The following CACNA1I variants were observed in gnomAD, a reference collection of about 807,000 sequenced individuals.
CACNA1I encodes the protein voltage-dependent T-type calcium channel subunit alpha-1I.
A neutral mutation model predicts 201.6 loss-of-function variants in CACNA1I; 74 were observed. The ratio of observed to expected loss-of-function variants is 0.37; its 90% CI spans 0.30 to 0.45. The LOEUF (loss-of-function observed/expected upper bound fraction) is 0.45, where lower values mean the gene tolerates loss of function less well. Among genes scored for constraint, CACNA1I ranks in the 20% least tolerant of loss-of-function variants. The pLI, the probability that CACNA1I is intolerant of heterozygous loss-of-function variation, is 1.00. For missense variants in CACNA1I, 2,346 were observed against 3,138.1 expected (o/e 0.75, Z 6.03); for synonymous variants, 1,431 against 1,345.2 (o/e 1.06, Z -1.40).
At chr22:39,672,540 G>A (rs1220986629) in intron 27 of CACNA1I, among the ~76,000 whole-genome samples, 2 of 152,130 alleles carry the variant, frequency 1.3e-5, no homozygotes, top group South Asian at 4.1e-4. Context: ...TCTTTGGTAC[G>A]TTGTCTCTAC....
In CACNA1I at chr22:39,684,475, G is replaced by T; in HGVS notation, c.6004G>T (p.Val2002Phe). 6.2e-7 allele frequency: 1 copy of T among 1,613,228 alleles called. No individual in the cohort carries two copies. The highest frequency in any genetic ancestry group is 8.5e-7 in the Non-Finnish European group (1 of 1,179,844). ...GSWASLRSPR[V>F]NCTLLRQATG... ...CTGGGCATCTCTGCGGTCACCAAGG[G>T]TCAACTGTACCCTCCTCCGGCAGGT... Residue 2002 changes from valine (V) to phenylalanine (F), a missense_variant, in exon 36 of 37, where the codon GTC becomes TTC. By Grantham distance (50) the Val-to-Phe change is conservative. Transcript: ENST00000402142. This position sits in a 1 kb window ranked among gnomAD's most constrained non-coding sequence, Gnocchi z 4.6.
chr22:39,602,195 C>A (rs562911174), intron 3 of CACNA1I, among the ~76,000 whole-genome samples: 2 of 149,354 alleles, frequency 1.3e-5, no homozygotes, highest in South Asian at 4.3e-4. Flanking sequence ...CCTCAGCCTC[C>A]TGAGTAGCTG....
At chr22:39,611,755 T>G (rs1417887896) in intron 3 of CACNA1I, among the ~76,000 whole-genome samples, 1 of 152,152 alleles carries the variant, frequency 6.6e-6, no homozygotes, top group Non-Finnish European at 1.5e-5. Flanking sequence ...AATGGAGGCT[T>G]GGAGAGAGAA....
chr22:39,571,416 A>G (rs62228479), intron 1 of CACNA1I, among the ~76,000 whole-genome samples: 40,233 of 151,960 alleles, frequency 0.26, 6,765 homozygotes, highest in East Asian at 0.72. Flanking sequence ...GGCAGGACTC[A>G]TTCTCCTTAC....
chr22:39,658,347 G>A (rs1372924008), intron 11 of CACNA1I, 44 bp downstream of exon 11: 9 of 1,583,450 alleles, frequency 5.7e-6, no homozygotes, highest in Admixed American at 1.7e-5. Flanking sequence ...GCCTCGGGGG[G>A]ACATTTACTG....
At chr22:39,660,543 A>G in intron 15 of CACNA1I, 106 bp downstream of exon 15, 2 of 659,608 alleles carry the variant, frequency 3.0e-6, no homozygotes, top group Non-Finnish European at 5.1e-6. Context: ...AGGCTCAGGG[A>G]CTGCTACTTA....
intron 4 of CACNA1I, among the ~76,000 whole-genome samples, chr22:39,631,404 G>A (rs1934058193): frequency 6.6e-6 from 1 of 152,228 alleles, no homozygotes; most frequent in Non-Finnish European, 1.5e-5. Context: ...TGGCCCATCT[G>A]GCTCTTGCTC....
chr22:39,630,217 C>T (rs774525738), intron 4 of CACNA1I, among the ~76,000 whole-genome samples: 15 of 152,186 alleles, frequency 9.9e-5, no homozygotes, highest in African/African-American at 3.1e-4. Context: ...AATGTTCACC[C>T]GACCCCAGGC....
intron 3 of CACNA1I, among the ~76,000 whole-genome samples, chr22:39,610,901 TGG>T (rs1218705410): frequency 6.6e-6 from 1 of 152,102 alleles, no homozygotes; most frequent in African/African-American, 2.4e-5. Flanking sequence ...CTCTTTGGCC[TGG>T]ATTGGCTGGT....
chr22:39,635,010 G>A (rs969337289), intron 5 of CACNA1I, among the ~76,000 whole-genome samples: 12 of 152,120 alleles, frequency 7.9e-5, no homozygotes, highest in Non-Finnish European at 1.3e-4. Context: ...CCATTTGGCC[G>A]CTTGTGTATG....
intron 7 of CACNA1I, among the ~76,000 whole-genome samples, chr22:39,645,031 G>C (rs111633600): frequency 4.0e-5 from 6 of 151,602 alleles, no homozygotes; most frequent in Non-Finnish European, 8.8e-5. Flanking sequence ...TTGTTGCCCA[G>C]CCTGGAGTGC....
rs964330932 is a variant in CACNA1I, at chr22:39,646,513, C to T, written c.1150-56C>T. On this transcript the variant is annotated intron_variant, in intron 7 of 36. Transcript: ENST00000402142. The stretch of plus-strand genomic sequence containing the variant: ...ACTCCATGACTCTGCCTCTCTCACC[C>T]TTCTGTCCCCTCCATCCCTGTCCCT... The T allele has an allele frequency of 2.8e-5, 42 of 1,493,614 alleles. No individual in the cohort carries two copies. In the African/African-American group the frequency reaches 5.1e-4, roughly 18 times the overall value. 92.5% of individuals were successfully genotyped at this position (1,493,614 alleles called of 1,614,324 possible). A position where few individuals can be genotyped will look rare whatever the true frequency, so the allele number is the denominator to read the frequency against.
intron 35 of CACNA1I, among the ~76,000 whole-genome samples, chr22:39,683,614 G>A (rs1290928428): frequency 6.6e-6 from 1 of 152,224 alleles, no homozygotes; most frequent in Admixed American, 6.5e-5. Flanking sequence ...CATTCAGACT[G>A]TCCAGCCGTC....
At chr22:39,660,289 T>C (rs1387943343) in intron 14 of CACNA1I, 55 bp from the exon 15 acceptor site, 7 of 1,362,994 alleles carry the variant, frequency 5.1e-6, no homozygotes. Flanking sequence ...TAGAGGGAGC[T>C]GGGAAGGGAG....
chr22:39,632,249 C>T (rs1934084216), intron 4 of CACNA1I, among the ~76,000 whole-genome samples: 1 of 152,220 alleles, frequency 6.6e-6, no homozygotes, highest in African/African-American at 2.4e-5. Context: ...TACCGGCCCT[C>T]TGTGCTTGCC....
intron 11 of CACNA1I, 132 bp downstream of exon 11, chr22:39,658,435 C>A: frequency 1.2e-6 from 1 of 823,292 alleles, no homozygotes; most frequent in Non-Finnish European, 1.9e-6. Context: ...TCGAAATAGT[C>A]AAACATTTGT....
chr22:39,614,527 C>T (rs1230843254), intron 3 of CACNA1I, among the ~76,000 whole-genome samples: 1 of 152,238 alleles, frequency 6.6e-6, no homozygotes, highest in Non-Finnish European at 1.5e-5. Context: ...GGTTTGCAGG[C>T]TGCTGCTTAG....
At chr22:39,652,338 C>A (rs1465184325) in intron 10 of CACNA1I, among the ~76,000 whole-genome samples, 1 of 152,208 alleles carries the variant, frequency 6.6e-6, no homozygotes, top group Non-Finnish European at 1.5e-5. Context: ...ACGTGGCTTC[C>A]TGACCAGGCT....
At chr22:39,680,244 C>T (rs928488761) in intron 33 of CACNA1I, among the ~76,000 whole-genome samples, 26 of 152,188 alleles carry the variant, frequency 1.7e-4, no homozygotes, top group African/African-American at 5.8e-4. Context: ...TCCTGGCACT[C>T]AACCTCCTCC....
Sources: gnomAD v4.1 joint callset for allele counts (sites outside exome capture counted in the v4.1 genomes callset) on GRCh38, gnomAD v4.1.1 for gene constraint, Gnocchi (gnomAD v3.1) non-coding constraint, MANE v1.5 for transcripts, NCBI Gene and HGNC (gene_info 2026-07-23, HGNC 2026-07-21) for gene names.